The following HDC variants were observed in gnomAD, a reference collection of about 807,000 sequenced individuals.
HDC encodes histidine decarboxylase.
HDC carries 27 observed loss-of-function variants against 64.4 expected under a neutral mutation model. The ratio of observed to expected loss-of-function variants is 0.42; its 90% confidence interval spans 0.31 to 0.58. HDC has a LOEUF of 0.58. Ranked by LOEUF, HDC falls within the 20% of genes least tolerant of loss-of-function variation. The probability of loss-of-function intolerance (pLI) is 0.16; values close to 1 mark genes in which losing one functional copy is unlikely to be tolerated. For synonymous variants in HDC, 305 were observed against 314.2 expected, an observed-to-expected ratio of 0.97 and a Z score of 0.31; for missense variants, 711 against 833.9, an observed-to-expected ratio of 0.85 and a Z score of 1.81.
At chr15:50,251,602 A>C (rs1178767383) in intron 9 of HDC, among the ~76,000 whole-genome samples, 1 of 152,176 alleles carries the variant, frequency 6.6e-6, no homozygotes, top group Non-Finnish European at 1.5e-5. Flanking sequence ...GCTCATCCTC[A>C]AACTGCGGAG....
chr15:50,251,509 C>A (rs1473352564), intron 9 of HDC, among the ~76,000 whole-genome samples: 3 of 152,182 alleles, frequency 2.0e-5, no homozygotes, highest in Admixed American at 1.3e-4. Context: ...AGCTTGCCCC[C>A]ACTCTGCTCT....
Position 50,252,726 on chromosome 15 carries a change from G to T in HDC, c.836C>A (p.Thr279Asn). 6.2e-7 allele frequency: 1 copy of T among 1,614,140 alleles called. No individual in the cohort carries two copies. The highest frequency in any genetic ancestry group is 8.5e-7 in the Non-Finnish European group (1 of 1,180,014). Residue 279 changes from threonine (T) to asparagine (N), a missense_variant, in exon 8 of 12, where the codon ACT becomes AAT. Thr to Asn is a moderately conservative substitution (Grantham distance 65). Transcript: ENST00000267845. ...WLHIDAAYAG[T>N]AFLCPEFRGF... Reference sequence around the variant, plus strand: ...CCGGAACTCGGGGCACAGGAAGGCAGTGCCTGCATAAGCAGCATCGATGTG... The same window carrying T: ...CCGGAACTCGGGGCACAGGAAGGCATTGCCTGCATAAGCAGCATCGATGTG...
chr15:50,245,147 C>T (rs982321781), intron 10 of HDC, among the ~76,000 whole-genome samples: 1 of 152,238 alleles, frequency 6.6e-6, no homozygotes, highest in Non-Finnish European at 1.5e-5. Flanking sequence ...AGCAGAGCTG[C>T]TGCCAGTGCC....
rs540100390 is a variant in HDC, at chr15:50,257,288, G to A, written c.441+137C>T. On this transcript the variant is annotated intron_variant, in intron 4 of 11. Coordinates refer to ENST00000267845, the MANE Select transcript of HDC (RefSeq NM_002112.4). Reference sequence around the variant, plus strand: ...TGGGAGTAGAGGTGGAAGCTGTGATGATGGTGCTGTTGGTGATGACGGTGT... The same window carrying A: ...TGGGAGTAGAGGTGGAAGCTGTGATAATGGTGCTGTTGGTGATGACGGTGT... The A allele has an allele frequency of 1.3e-5, 13 of 1,024,352 alleles. 1 individual carries two copies. The South Asian group carries it at 1.7e-4, about 13-fold the overall frequency. The allele number at this position is 1,024,352 out of a possible 1,614,324, so 63.5% of individuals were successfully genotyped here.
intron 4 of HDC, 124 bp downstream of exon 4, chr15:50,257,301 G>T: frequency 1.7e-6 from 2 of 1,172,202 alleles, no homozygotes; most frequent in Non-Finnish European, 2.5e-6. Context: ...GGTGCTGTTG[G>T]TGATGACGGT....
intron 4 of HDC, 116 bp from the exon 5 acceptor site, chr15:50,254,780 G>A: frequency 1.2e-6 from 1 of 806,602 alleles, no homozygotes; most frequent in Non-Finnish European, 1.9e-6. Flanking sequence ...CTCTCTCTGT[G>A]TGTGTATGTG....
At chr15:50,253,942 T>C (rs1296420628) in intron 6 of HDC, 188 bp downstream of exon 6, 2 of 676,080 alleles carry the variant, frequency 3.0e-6, no homozygotes, top group Admixed American at 2.5e-5. Flanking sequence ...TTCTTTTTAA[T>C]GCTGGTTATG....
intron 10 of HDC, 124 bp from the exon 11 acceptor site, chr15:50,243,368 T>C: frequency 1.4e-6 from 1 of 738,850 alleles, no homozygotes; most frequent in Non-Finnish European, 2.4e-6. Context: ...TGTAAGCGGC[T>C]TCTGCCTCAT....
Position 50,243,061 on chromosome 15 carries a change from C to A in HDC, c.1243-55G>T, listed in dbSNP as rs577796054. The A allele has an allele frequency of 1.5e-5, 24 of 1,614,054 alleles. No individual in the cohort carries two copies. In the African/African-American group the frequency reaches 2.8e-4, roughly 19 times the overall value. Reference sequence around the variant, plus strand: ...CCATCGCACCCCCTGTCAGCATCCCCAGAGCCCAGCATTTGTGTTTCCGAG... The same window carrying A: ...CCATCGCACCCCCTGTCAGCATCCCAAGAGCCCAGCATTTGTGTTTCCGAG... On this transcript the variant is annotated intron_variant, in intron 11 of 11. Transcript: ENST00000267845.
intron 10 of HDC, among the ~76,000 whole-genome samples, chr15:50,247,093 G>C (rs1378062116): frequency 1.3e-5 from 2 of 152,220 alleles, no homozygotes; most frequent in Non-Finnish European, 2.9e-5. Context: ...GCAGAGGCTG[G>C]GAAGGGTAGC....
At position 50,241,975 on chromosome 15, in the gene HDC, TTC is replaced by T; in HGVS notation, c.*283_*284del. Reference sequence around the variant, plus strand: ...TGTTTCAGGGACAAGCATAATTTATTTCTGTGTTATATATCATGTCACAAGCT... The same window carrying T: ...TGTTTCAGGGACAAGCATAATTTATTTGTGTTATATATCATGTCACAAGCT... On this transcript the variant is annotated 3_prime_UTR_variant, in exon 12 of 12. Coordinates refer to ENST00000267845, the MANE Select transcript of HDC (RefSeq NM_002112.4). The T allele has an allele frequency of 2.0e-6, 1 of 510,406 alleles. No homozygotes were observed. 31.6% of individuals were successfully genotyped at this position (510,406 alleles called of 1,614,324 possible).
intron 10 of HDC, among the ~76,000 whole-genome samples, chr15:50,244,282 CCTCTT>C (rs2045446563): frequency 7.0e-6 from 1 of 143,660 alleles, no homozygotes; most frequent in Non-Finnish European, 1.5e-5. Context: ...GTTAGCTGAA[CCTCTT>C]TTTTTTTTTT....
chr15:50,257,622 T>G (rs2045650104), intron 3 of HDC, 75 bp from the exon 4 acceptor site: 1 of 1,554,580 alleles, frequency 6.4e-7, no homozygotes. Context: ...CAGAAACATG[T>G]CTGCCCCTGA....
chr15:50,247,847 A>G (rs1276448928), intron 10 of HDC, among the ~76,000 whole-genome samples: 1 of 152,220 alleles, frequency 6.6e-6, no homozygotes, highest in South Asian at 2.1e-4. Flanking sequence ...CATAATCATA[A>G]TAGTGCTAAA....
chr15:50,242,254 C>T lies in HDC; in HGVS notation c.*6G>A, dbSNP rs1433287580. ...TATCCTCAGACTCTGGCTGAAGGCC[C>T]TGTGTCTAAACCATGGCCTGCAGAG... On this transcript the variant is annotated 3_prime_UTR_variant, in exon 12 of 12. Coordinates refer to ENST00000267845, the MANE Select transcript of HDC (RefSeq NM_002112.4). 6.2e-7 allele frequency: 1 copy of T among 1,612,160 alleles called. No homozygotes were observed. The highest frequency in any genetic ancestry group is 2.2e-5 in the East Asian group (1 of 44,874).
chr15:50,251,957 A>C (rs539639183), intron 9 of HDC, among the ~76,000 whole-genome samples: 15 of 152,218 alleles, frequency 9.9e-5, no homozygotes, highest in Non-Finnish European at 2.1e-4. Context: ...AACCTCACAC[A>C]AGTCCTGCAG....
chr15:50,257,300 G>C, intron 4 of HDC, 125 bp downstream of exon 4: 1 of 1,149,710 alleles, frequency 8.7e-7, no homozygotes, highest in Non-Finnish European at 1.3e-6. Context: ...TGGTGCTGTT[G>C]GTGATGACGG....
chr15:50,261,623 CAAAAAA>C (rs11418562), intron 2 of HDC, among the ~76,000 whole-genome samples: 3 of 95,060 alleles, frequency 3.2e-5, no homozygotes, highest in African/African-American at 4.4e-5. Flanking sequence ...TCTATTGCTT[CAAAAAA>C]AAAAAAAAAA....
At chr15:50,244,133 A>G (rs977322321) in intron 10 of HDC, among the ~76,000 whole-genome samples, 4 of 152,268 alleles carry the variant, frequency 2.6e-5, no homozygotes, top group Middle Eastern at 3.4e-3. Context: ...ATTACTAACT[A>G]AACAAGGACA....
Sources: gnomAD v4.1 joint callset for allele counts (sites outside exome capture counted in the v4.1 genomes callset) on GRCh38, gnomAD v4.1.1 for gene constraint, MANE v1.5 for transcripts, NCBI Gene and HGNC (gene_info 2026-07-23, HGNC 2026-07-21) for gene names.